Variants in CLEC4C observed in about 807,000 individuals in gnomAD.
The protein encoded by CLEC4C is C-type (calcium dependent, carbohydrate-recognition domain) lectin, superfamily member 11.
CLEC4C carries 17 observed loss-of-function variants against 27.7 expected under a neutral mutation model. The ratio of observed to expected loss-of-function variants is 0.61; its 90% CI spans 0.42 to 0.92. CLEC4C has a LOEUF of 0.92. Ranked by LOEUF, CLEC4C falls within the 40% of genes least tolerant of loss-of-function variation. The probability of loss-of-function intolerance (pLI) is 0.00; values close to 1 mark genes in which losing one functional copy is unlikely to be tolerated. For synonymous variants in CLEC4C, 80 were observed against 80.8 expected, an observed-to-expected ratio of 0.99 and a Z score of 0.06; for missense variants, 244 against 257.3, an observed-to-expected ratio of 0.95 and a Z score of 0.35.
chr12:7,747,632 CTTTTTTTT>C (rs201227947), upstream of CLEC4C: 103 of 88,434 alleles, frequency 1.2e-3, 1 homozygote, highest in South Asian at 0.024. Flanking sequence ...GTCTGATTGT[CTTTTTTTT>C]TTTTTTTTTT....
upstream of CLEC4C, among the ~76,000 whole-genome samples, chr12:7,747,888 T>A (rs1250992223): frequency 1.8e-5 from 2 of 114,024 alleles, no homozygotes; most frequent in Non-Finnish European, 3.3e-5. Flanking sequence ...GCCGTTGCAC[T>A]CCAGCCTGGG....
chr12:7,737,669 C>T, intron 3 of CLEC4C, 95 bp from the exon 4 acceptor site: 1 of 1,209,562 alleles, frequency 8.3e-7, no homozygotes, highest in Non-Finnish European at 1.2e-6. Context: ...AATTAGTTTT[C>T]ACCTATGGAT....
chr12:7,739,842 G>C (rs974803584), intron 3 of CLEC4C, among the ~76,000 whole-genome samples: 1 of 139,926 alleles, frequency 7.1e-6, no homozygotes, highest in South Asian at 2.4e-4. Flanking sequence ...ACCATAGCTC[G>C]GTAATTTTTT....
intron 3 of CLEC4C, among the ~76,000 whole-genome samples, chr12:7,739,566 C>A (rs1353102922): frequency 6.6e-6 from 1 of 152,140 alleles, no homozygotes; most frequent in Non-Finnish European, 1.5e-5. Context: ...ACACAGCCGA[C>A]CAATTATCCC....
intron 1 of CLEC4C, among the ~76,000 whole-genome samples, chr12:7,746,990 A>G (rs976482404): frequency 1.3e-5 from 2 of 152,074 alleles, no homozygotes; most frequent in Admixed American, 6.6e-5. Flanking sequence ...ACGCCTGGCT[A>G]ATTTTCTATT....
chr12:7,731,850 T>G (rs758774005), intron 4 of CLEC4C, among the ~76,000 whole-genome samples: 11 of 152,068 alleles, frequency 7.2e-5, no homozygotes, highest in Non-Finnish European at 1.2e-4. Context: ...ACTACTCGAG[T>G]GGCTGAGGCA....
chr12:7,745,108 G>T (rs1411438934), intron 2 of CLEC4C, among the ~76,000 whole-genome samples: 2 of 152,100 alleles, frequency 1.3e-5, no homozygotes, highest in African/African-American at 4.8e-5. Flanking sequence ...AGAATGAATT[G>T]CGTCCTCCCC....
chr12:7,733,608 A>G lies in CLEC4C; in HGVS notation c.382-2696T>C, dbSNP rs1304426321. The stretch of plus-strand genomic sequence containing the variant: ...GCCATTCTCCTGCCTCAGCCTCCCG[A>G]GTAGCTGGAACTACAGGCTCCCGCC... On this transcript the variant is annotated intron_variant, in intron 4 of 5. Coordinates refer to ENST00000360345, the MANE Select transcript of CLEC4C (RefSeq NM_001371390.1). Among the ~76,000 whole-genome samples, 41 of 150,334 alleles carry G rather than the reference A, an allele frequency of 2.7e-4. 1 individual carries two copies. The highest frequency in any genetic ancestry group is 7.4e-5 in the Non-Finnish European group (5 of 67,818).
chr12:7,734,996 T>C (rs2120379902), intron 4 of CLEC4C, among the ~76,000 whole-genome samples: 1 of 151,442 alleles, frequency 6.6e-6, no homozygotes, highest in South Asian at 2.1e-4. Flanking sequence ...AGGCCAGGAG[T>C]TTGAGACTAG....
chr12:7,740,524 A>AC (rs1864828479), intron 3 of CLEC4C, among the ~76,000 whole-genome samples: 1 of 151,396 alleles, frequency 6.6e-6, no homozygotes, highest in Non-Finnish European at 1.5e-5. Context: ...ACAAGGTGAA[A>AC]CCCCGTCTCT....
intron 3 of CLEC4C, among the ~76,000 whole-genome samples, chr12:7,739,560 A>T (rs918384599): frequency 1.3e-5 from 2 of 152,114 alleles, no homozygotes; most frequent in African/African-American, 4.8e-5. Context: ...TCCTGGACAC[A>T]GCCGACCAAT....
At chr12:7,747,539 T>C, upstream of CLEC4C, 2 of 486,964 alleles carry the variant, frequency 4.1e-6, no homozygotes, top group Non-Finnish European at 7.4e-6. Context: ...AAGCTTTCAA[T>C]TTAAAACATA....
At chr12:7,730,694 A>G in intron 5 of CLEC4C, 103 bp downstream of exon 5, 1 of 646,100 alleles carries the variant, frequency 1.5e-6, no homozygotes, top group Non-Finnish European at 2.8e-6. Flanking sequence ...TAGGTTTTAA[A>G]AAGTGTTGTG....
At position 7,739,301 on chromosome 12, in the gene CLEC4C, C is replaced by T. The variant is rs549691283; in HGVS notation, c.236-1727G>A. Among the ~76,000 whole-genome samples, 8 of 151,996 alleles carry T rather than the reference C, an allele frequency of 5.3e-5. No homozygotes were observed. In the East Asian group the frequency reaches 9.7e-4, roughly 18 times the overall value. On this transcript the variant is annotated intron_variant, in intron 3 of 5. Transcript: ENST00000360345. The stretch of plus-strand genomic sequence containing the variant: ...CTACTTTTTATATTTTTAATAGAGA[C>T]GGGGTTTCACCATGTTGGCCAGGAT...
chr12:7,742,230 C>T (rs7296660), intron 2 of CLEC4C, among the ~76,000 whole-genome samples: 33,264 of 151,544 alleles, frequency 0.22, 4,325 homozygotes, highest in Admixed American at 0.32. Context: ...TATGACTTTA[C>T]GGCTGGGCAT....
At chr12:7,747,076 G>A (rs939475383) in intron 1 of CLEC4C, among the ~76,000 whole-genome samples, 5 of 152,136 alleles carry the variant, frequency 3.3e-5, no homozygotes, top group South Asian at 2.1e-4. Context: ...TGCCCACCTC[G>A]GCCTCCCAAA....
chr12:7,739,211 C>CAA (rs1381131416), intron 3 of CLEC4C, among the ~76,000 whole-genome samples: 1 of 151,804 alleles, frequency 6.6e-6, no homozygotes, highest in East Asian at 1.9e-4. Context: ...CTCCCGGGTT[C>CAA]AAGCAATTCT....
chr12:7,734,206 T>C (rs553626475), intron 4 of CLEC4C, among the ~76,000 whole-genome samples: 10 of 152,212 alleles, frequency 6.6e-5, no homozygotes, highest in Admixed American at 1.3e-4. Flanking sequence ...ATTCATTCAT[T>C]GAACATTCAA....
At chr12:7,731,363 C>T (rs752643345) in intron 4 of CLEC4C, among the ~76,000 whole-genome samples, 133 of 152,152 alleles carry the variant, frequency 8.7e-4, no homozygotes, top group Non-Finnish European at 1.5e-3. Flanking sequence ...ACCCTGAATC[C>T]TTAAAAACTC....
Sources: gnomAD v4.1 joint callset for allele counts (sites outside exome capture counted in the v4.1 genomes callset) on GRCh38, gnomAD v4.1.1 for gene constraint, MANE v1.5 for transcripts, NCBI Gene and HGNC (gene_info 2026-07-23, HGNC 2026-07-21) for gene names.